The following TRRAP variants were observed in gnomAD, a reference collection of about 807,000 sequenced individuals.
TRRAP encodes transformation/transcription domain-associated protein.
In TRRAP, 41 loss-of-function variants were observed where a neutral mutation model predicts 438.8. The ratio of observed to expected loss-of-function variants is 0.09; its 90% confidence interval spans 0.07 to 0.12. The LOEUF is 0.12. Among genes scored for constraint, TRRAP ranks in the 10% least tolerant of loss-of-function variants. The pLI is 1.00. For synonymous variants in TRRAP, 1,994 were observed against 1,962.9 expected (o/e 1.02, Z -0.42); for missense variants, 3,122 against 5,055.1 (o/e 0.62, Z 11.60).
chr7:98,946,629 ACAC>A (rs1791086599), intron 33 of TRRAP, among the ~76,000 whole-genome samples: 1 of 151,438 alleles, frequency 6.6e-6, no homozygotes, highest in Non-Finnish European at 1.5e-5. Context: ...ACATGCACAC[ACAC>A]CACAATGCAC....
At chr7:98,999,211 AC>A in intron 67 of TRRAP, 2 of 1,340,350 alleles carry the variant, frequency 1.5e-6, no homozygotes, top group Non-Finnish European at 2.1e-6. Context: ...TTTGCAGTAC[AC>A]AGGCTTCACT....
At chr7:98,995,654 C>G (rs1248998672) in intron 67 of TRRAP, among the ~76,000 whole-genome samples, 3 of 147,112 alleles carry the variant, frequency 2.0e-5, no homozygotes, top group African/African-American at 5.0e-5. Context: ...GTATCCCCCC[C>G]CCACCATCTA....
Position 98,895,819 on chromosome 7 carries a change from T to C in TRRAP, c.506T>C (p.Val169Ala). 6.2e-7 allele frequency: 1 copy of C among 1,602,876 alleles called. No individual in the cohort carries two copies. Among genetic ancestry groups the C allele is most frequent in the African/African-American group, 1.3e-5 (1 of 74,776 alleles). The change falls in exon 7 of 73, where the codon GTG becomes GCG. Residue 169 changes from valine (V) to alanine (A), a missense_variant and splice_region_variant. Val to Ala is a moderately conservative substitution (Grantham distance 64, BLOSUM62 0). Coordinates refer to ENST00000456197, the MANE Select transcript of TRRAP (RefSeq NM_001375524.1). ...KQIYKELPKV[V>A]NRYFENPQVI... The stretch of plus-strand genomic sequence containing the variant: ...ATTTACAAGGAGCTTCCAAAAGTAG[T>C]GGTATGTTTTTACTTTGGTTTTAAT...
intron 30 of TRRAP, among the ~76,000 whole-genome samples, chr7:98,941,597 TTC>T (rs1790799774): frequency 6.6e-6 from 1 of 152,230 alleles, no homozygotes; most frequent in African/African-American, 2.4e-5. Context: ...ACCCCTTTAA[TTC>T]TGTTACTCTC....
At chr7:98,882,825 AT>A (rs139391425) in intron 3 of TRRAP, among the ~76,000 whole-genome samples, 4,143 of 151,300 alleles carry the variant, frequency 0.027, 80 homozygotes, top group South Asian at 0.054. Context: ...CACCCGGCTG[AT>A]TTTTGCATTT....
At chr7:99,009,857 T>A (rs1794349617) in intron 70 of TRRAP, among the ~76,000 whole-genome samples, 1 of 151,744 alleles carries the variant, frequency 6.6e-6, no homozygotes, top group Admixed American at 6.6e-5. Context: ...ATTTTGTTAT[T>A]TATTCTACTC....
Position 99,004,382 on chromosome 7 carries a change from C to T in TRRAP, c.10502C>T (p.Pro3501Leu). Residue 3501 changes from proline to leucine, a missense_variant, in exon 68 of 73, where the codon CCA becomes CTA. Coordinates refer to ENST00000456197, the MANE Select transcript of TRRAP (RefSeq NM_001375524.1). Reference protein sequence around the residue: ...EVEIPGEFLMPKPTHYYIKIA... With the variant: ...EVEIPGEFLMLKPTHYYIKIA... ...GAAATTCCTGGGGAGTTTCTGATGCCAAAGCCAACGCATTATTACATCAAG... is the reference window on the plus strand; with the variant it reads ...GAAATTCCTGGGGAGTTTCTGATGCTAAAGCCAACGCATTATTACATCAAG... 1 of 1,614,078 alleles carries T rather than the reference C, an allele frequency of 6.2e-7. No homozygotes were observed. The highest frequency in any genetic ancestry group is 8.5e-7 in the Non-Finnish European group (1 of 1,180,012).
chr7:98,984,217 G>C lies in TRRAP; in HGVS notation c.9147G>C (p.Leu3049=). The change falls in exon 61 of 73, where the codon CTG becomes CTC. Residue 3049 remains leucine, a synonymous_variant. Transcript: ENST00000456197. The part of the protein sequence containing the change: ...QYGKIARKQG[L]VNVALDILSR... ...GAAAAATCGCCCGGAAACAAGGACTGGTCAATGTAGCTCTGGATATATTAA... is the reference window on the plus strand; with the variant it reads ...GAAAAATCGCCCGGAAACAAGGACTCGTCAATGTAGCTCTGGATATATTAA... 6.2e-7 allele frequency: 1 copy of C among 1,614,116 alleles called. No homozygotes were observed. The highest frequency in any genetic ancestry group is 2.2e-5 in the East Asian group (1 of 44,874).
At chr7:99,007,025 C>T (rs1274974573) in intron 69 of TRRAP, among the ~76,000 whole-genome samples, 1 of 152,194 alleles carries the variant, frequency 6.6e-6, no homozygotes, top group Non-Finnish European at 1.5e-5. Flanking sequence ...TCCTGTCTGG[C>T]AGGTTGTAGA....
At chr7:98,885,482 C>T (rs1425702819) in intron 3 of TRRAP, among the ~76,000 whole-genome samples, 1 of 151,950 alleles carries the variant, frequency 6.6e-6, no homozygotes, top group Non-Finnish European at 1.5e-5. Context: ...ACATTAAATA[C>T]ATGTTAGTGG....
At chr7:98,881,442 C>T (rs1175961686) in intron 2 of TRRAP, among the ~76,000 whole-genome samples, 192 bp downstream of exon 2, 8 of 151,954 alleles carry the variant, frequency 5.3e-5, no homozygotes, top group African/African-American at 1.7e-4. Context: ...TGTGGTGGCT[C>T]ACGCCTGTAG....
At chr7:98,958,114 GTTAGGGC>G in intron 44 of TRRAP, 23 bp downstream of exon 44, 2 of 1,599,584 alleles carry the variant, frequency 1.3e-6, no homozygotes, top group Non-Finnish European at 1.7e-6. Flanking sequence ...AGTGCCCTGC[GTTAGGGC>G]TTCTGCAGAC....
chr7:98,948,609 G>A lies in TRRAP; in HGVS notation c.4712G>A (p.Arg1571Gln), dbSNP rs1554417413. Residue 1571 changes from arginine to glutamine, a missense_variant, in exon 35 of 73, where the codon CGA (arginine) becomes CAA (glutamine). Physicochemically the swap from Arg to Gln is conservative, Grantham distance 43. This residue lies in a region of TRRAP where 108 missense variants were observed against 256.9 expected (regional missense o/e 0.42). Transcript: ENST00000456197. The surrounding 1 kb of genome is among the most constrained non-coding windows in gnomAD (Gnocchi z 4.9). ...FREPLIKFLT[R>Q]HPSQTVELFM... is the part of the protein sequence containing the mutation. ...GAGCCCCTGATCAAGTTCCTGACTCGACATCCCTCGCAGACAGTGGAGCTG... is the reference window on the plus strand; with the variant it reads ...GAGCCCCTGATCAAGTTCCTGACTCAACATCCCTCGCAGACAGTGGAGCTG... 6 of 1,614,136 alleles carry A rather than the reference G, an allele frequency of 3.7e-6. No individual in the cohort carries two copies. Among genetic ancestry groups the A allele is most frequent in the Non-Finnish European group, 5.1e-6 (6 of 1,180,028 alleles).
intron 53 of TRRAP, among the ~76,000 whole-genome samples, chr7:98,972,298 C>T (rs1449904680): frequency 2.0e-5 from 3 of 152,196 alleles, no homozygotes; most frequent in African/African-American, 4.8e-5. Context: ...CCACCTTGGC[C>T]TCCCAAAGTG....
chr7:99,001,003 A>C (rs60142176), intron 67 of TRRAP, among the ~76,000 whole-genome samples: 84 of 152,354 alleles, frequency 5.5e-4, no homozygotes, highest in African/African-American at 1.9e-3. Flanking sequence ...TAAGTGGTTC[A>C]CATGTGTGGT....
intron 67 of TRRAP, chr7:98,999,776 C>T (rs891041388): frequency 1.9e-5 from 11 of 570,242 alleles, no homozygotes; most frequent in Non-Finnish European, 3.2e-5. Flanking sequence ...TCTGAATTGC[C>T]GCTCACAAAT....
chr7:98,959,936 T>TGAAAAAAAAAAAAAA (rs1483906654), intron 45 of TRRAP, among the ~76,000 whole-genome samples: 1 of 112,710 alleles, frequency 8.9e-6, no homozygotes, highest in African/African-American at 3.8e-5. Flanking sequence ...CCTGGTCTCT[T>TGAAAAAAAAAAAAAA]AAAAAAAAAA....
chr7:98,953,692 G>C (rs1791453358), intron 40 of TRRAP, among the ~76,000 whole-genome samples: 1 of 152,170 alleles, frequency 6.6e-6, no homozygotes, highest in Admixed American at 6.5e-5. Context: ...TTTCTGCCTG[G>C]GAAGATGCAA....
In TRRAP at chr7:98,988,805, A is replaced by T; in HGVS notation, c.9430A>T (p.Met3144Leu). The T allele has an allele frequency of 6.2e-7, 1 of 1,614,214 alleles. No individual in the cohort carries two copies. The part of the protein sequence containing the change: ...ANKAFSAAVQ[M>L]HDVLVKAWAM... ...CAAAGCCTTCTCTGCAGCTGTGCAG[A>T]TGCACGATGTGCTGGTGAAAGCCTG... The change falls in exon 63 of 73, where the codon ATG becomes TTG. Residue 3144 changes from methionine to leucine, a missense_variant. Coordinates refer to ENST00000456197, the MANE Select transcript of TRRAP (RefSeq NM_001375524.1).
Sources: allele counts gnomAD v4.1 joint callset (sites outside exome capture counted in the v4.1 genomes callset), GRCh38; gene constraint gnomAD v4.1.1; regional missense constraint gnomAD v4.1.1; non-coding constraint Gnocchi (gnomAD v3.1); transcripts MANE v1.5; gene names NCBI Gene and HGNC (gene_info 2026-07-23, HGNC 2026-07-21).